Variants in TSHZ1 observed in about 807,000 individuals in gnomAD.
TSHZ1 encodes teashirt homolog 1.
Under a neutral mutation model 67.1 loss-of-function variants are expected in TSHZ1, and 12 were observed. The observed-to-expected ratio is 0.18, with a 90% CI of 0.11 to 0.29. TSHZ1 has a LOEUF of 0.29. TSHZ1 is among the 10% of genes least tolerant of loss of function. The pLI is 1.00. For synonymous variants in TSHZ1, 632 were observed against 622.4 expected (o/e 1.02, Z -0.23); for missense variants, 1,305 against 1,413.9 (o/e 0.92, Z 1.23).
intron 1 of TSHZ1, among the ~76,000 whole-genome samples, chr18:75,278,885 C>T (rs2023649212): frequency 6.6e-6 from 1 of 152,100 alleles, no homozygotes; most frequent in African/African-American, 2.4e-5. Context: ...TAAGGTGAGG[C>T]CGGCAGTCAG....
chr18:75,278,335 C>T (rs1319568923), intron 1 of TSHZ1, among the ~76,000 whole-genome samples: 1 of 152,210 alleles, frequency 6.6e-6, no homozygotes, highest in African/African-American at 2.4e-5. Flanking sequence ...AATCCAAGCA[C>T]TCCTTCCTTG....
At position 75,287,095 on chromosome 18, in the gene TSHZ1, T is replaced by A; in HGVS notation, c.1688T>A (p.Ile563Asn). 1 of 1,614,146 alleles carries A rather than the reference T, an allele frequency of 6.2e-7. No homozygotes were observed. The highest frequency in any genetic ancestry group is 8.5e-7 in the Non-Finnish European group (1 of 1,180,036). ...KSLENTVSTA[I>N]SKAQNGAPSW... ...CTGGAGAATACCGTCTCCACGGCCATTAGCAAAGCTCAGAATGGTGCGCCC... is the reference window on the plus strand; with the variant it reads ...CTGGAGAATACCGTCTCCACGGCCAATAGCAAAGCTCAGAATGGTGCGCCC... Residue 563 changes from isoleucine to asparagine, a missense_variant, in exon 2 of 2, where the codon ATT (isoleucine) becomes AAT (asparagine). This residue lies in a region of TSHZ1 where 909 missense variants were observed against 961.8 expected (regional missense o/e 0.95). Coordinates refer to ENST00000580243, the MANE Select transcript of TSHZ1 (RefSeq NM_001308210.2). The surrounding 1 kb of genome is among the most constrained non-coding windows in gnomAD (Gnocchi z 5.0).
chr18:75,276,948 A>C (rs532966121), intron 1 of TSHZ1, among the ~76,000 whole-genome samples: 3 of 152,298 alleles, frequency 2.0e-5, no homozygotes, highest in Non-Finnish European at 4.4e-5. Flanking sequence ...TCCTGACCTC[A>C]TGGCTGTCAT....
rs1274672287 is a variant in TSHZ1, at chr18:75,288,367, G to A, written c.2960G>A (p.Ser987Asn). Residue 987 changes from serine to asparagine, a missense_variant, in exon 2 of 2, where the codon AGT becomes AAT. Ser to Asn is a conservative substitution (Grantham distance 46, BLOSUM62 1). Around this residue, in one of 3 missense-constraint regions of TSHZ1, gnomAD observed 909 missense variants for 961.8 expected, o/e 0.95. Transcript: ENST00000580243. The surrounding 1 kb of genome is among the most constrained non-coding windows in gnomAD (Gnocchi z 4.9). Reference sequence around the variant, plus strand: ...TTCAGAACTGCTTCTACATACATAAGTCATTTGGAGACACACTTGGGCTTC... The same window carrying A: ...TTCAGAACTGCTTCTACATACATAAATCATTTGGAGACACACTTGGGCTTC... The part of the protein sequence containing the change: ...SQFRTASTYI[S>N]HLETHLGFSL... 1.2e-6 allele frequency: 2 copies of A among 1,614,068 alleles called. No homozygotes were observed. The highest frequency in any genetic ancestry group is 2.2e-5 in the East Asian group (1 of 44,896).
intron 1 of TSHZ1, among the ~76,000 whole-genome samples, chr18:75,228,985 A>G (rs2022961275): frequency 6.6e-6 from 1 of 152,170 alleles, no homozygotes; most frequent in Non-Finnish European, 1.5e-5. Flanking sequence ...AAGGCGTTTT[A>G]TTTGTTGCTA....
intron 1 of TSHZ1, among the ~76,000 whole-genome samples, chr18:75,228,008 G>A (rs1568354038): frequency 6.6e-6 from 1 of 152,178 alleles, no homozygotes; most frequent in Non-Finnish European, 1.5e-5. Flanking sequence ...TGTGGATATC[G>A]GAGTTATGGT....
chr18:75,252,456 A>G (rs1296192819), intron 1 of TSHZ1, among the ~76,000 whole-genome samples: 1 of 152,060 alleles, frequency 6.6e-6, no homozygotes, highest in Non-Finnish European at 1.5e-5. Context: ...AGTTGTTTTT[A>G]TGTAGTTTAG....
chr18:75,274,549 A>C (rs565483887), intron 1 of TSHZ1, among the ~76,000 whole-genome samples: 1 of 152,238 alleles, frequency 6.6e-6, no homozygotes, highest in Non-Finnish European at 1.5e-5. Context: ...AATATATTCC[A>C]GTACATTTGT....
chr18:75,236,519 T>C (rs2023073585), intron 1 of TSHZ1, among the ~76,000 whole-genome samples: 1 of 152,204 alleles, frequency 6.6e-6, no homozygotes, highest in Non-Finnish European at 1.5e-5. Flanking sequence ...AGCATTCTTC[T>C]GTTTTCAGTG....
intron 1 of TSHZ1, chr18:75,283,004 A>G (rs2023705520): frequency 6.6e-6 from 1 of 152,344 alleles, no homozygotes; most frequent in Non-Finnish European, 1.5e-5. Context: ...ATTAGTGGCC[A>G]TGAAACTCCC....
chr18:75,222,611 G>C (rs1209538709), intron 1 of TSHZ1, among the ~76,000 whole-genome samples: 5 of 152,052 alleles, frequency 3.3e-5, no homozygotes, highest in African/African-American at 1.2e-4. Context: ...TGAGATCATG[G>C]GAGGGGGTTT....
chr18:75,235,378 C>G (rs1239226804), intron 1 of TSHZ1, among the ~76,000 whole-genome samples: 1 of 152,146 alleles, frequency 6.6e-6, no homozygotes, highest in African/African-American at 2.4e-5. Flanking sequence ...ATCAAAACTT[C>G]CCAGCTCTAT....
chr18:75,267,529 G>T (rs555914301), intron 1 of TSHZ1, among the ~76,000 whole-genome samples: 2 of 152,234 alleles, frequency 1.3e-5, no homozygotes, highest in Non-Finnish European at 2.9e-5. Flanking sequence ...AATAGGCTTC[G>T]AGTGTCTCGA....
intron 1 of TSHZ1, among the ~76,000 whole-genome samples, chr18:75,240,070 T>C (rs1361284224): frequency 1.3e-5 from 2 of 152,360 alleles, no homozygotes; most frequent in East Asian, 3.9e-4. Flanking sequence ...AGCCCAGTGA[T>C]AGAATTTATC....
At position 75,287,608 on chromosome 18, in the gene TSHZ1, T is replaced by C. The variant is rs113033195; in HGVS notation, c.2201T>C (p.Met734Thr). 5,440 of 1,614,174 alleles carry C rather than the reference T, an allele frequency of 3.4e-3. 84 individuals are homozygous for C. In the African/African-American group the frequency reaches 0.046, roughly 14 times the overall value. ...TNGCNNLGII[M>T]DHSPEPSFIN... ...GGCTGTAACAACCTGGGGATCATCA[T>C]GGACCACTCACCGGAGCCTTCCTTC... Residue 734 changes from methionine to threonine, a missense_variant, in exon 2 of 2, where the codon ATG becomes ACG. By Grantham distance (81) the Met-to-Thr change is moderately conservative. This residue lies in a region of TSHZ1 where 909 missense variants were observed against 961.8 expected (regional missense o/e 0.95). Coordinates refer to ENST00000580243, the MANE Select transcript of TSHZ1 (RefSeq NM_001308210.2). This position sits in a 1 kb window ranked among gnomAD's most constrained non-coding sequence, Gnocchi z 5.0.
At chr18:75,250,444 C>T (rs1348766888) in intron 1 of TSHZ1, among the ~76,000 whole-genome samples, 1 of 152,232 alleles carries the variant, frequency 6.6e-6, no homozygotes, top group Non-Finnish European at 1.5e-5. Flanking sequence ...GCCTGTCCTC[C>T]CTGCAGCAAG....
chr18:75,262,580 A>T (rs1229775200), intron 1 of TSHZ1, among the ~76,000 whole-genome samples: 1 of 152,186 alleles, frequency 6.6e-6, no homozygotes. Context: ...TTTATTCTCT[A>T]TAAAATACGC....
Position 75,281,499 on chromosome 18 carries a change from C to T in TSHZ1, c.41-3949C>T, listed in dbSNP as rs1276485311. On this transcript the variant is annotated intron_variant, in intron 1 of 1. Transcript: ENST00000580243. This position sits in a 1 kb window ranked among gnomAD's most constrained non-coding sequence, Gnocchi z 5.3. ...CTCCTTCCACGGGCCCTACATGGGGCCAGGCCCTGAAAGCACCATGGGGGT... is the reference window on the plus strand; with the variant it reads ...CTCCTTCCACGGGCCCTACATGGGGTCAGGCCCTGAAAGCACCATGGGGGT... Among the ~76,000 whole-genome samples, 1 of 152,138 alleles carries T rather than the reference C, an allele frequency of 6.6e-6. No individual in the cohort carries two copies. The highest frequency in any genetic ancestry group is 1.5e-5 in the Non-Finnish European group (1 of 68,014).
In TSHZ1 at chr18:75,286,753, C is replaced by G; in HGVS notation, c.1346C>G (p.Ser449Cys). The change falls in exon 2 of 2, where the codon TCT (serine) becomes TGT (cysteine). Residue 449 changes from serine (S) to cysteine (C), a missense_variant. Physicochemically the swap from Ser to Cys is moderately radical, Grantham distance 112. Transcript: ENST00000580243. This position sits in a 1 kb window ranked among gnomAD's most constrained non-coding sequence, Gnocchi z 5.1. Reference protein sequence around the residue: ...GHFLKVTTSASKKGKQLVLDP... With the variant: ...GHFLKVTTSACKKGKQLVLDP... ...TTCCTGAAAGTGACCACCTCGGCTT[C>G]TAAGAAGGGCAAGCAGTTGGTGCTG... is the stretch of plus-strand genomic sequence containing the variant. 1 of 1,613,600 alleles carries G rather than the reference C, an allele frequency of 6.2e-7. No individual in the cohort carries two copies. Among genetic ancestry groups the G allele is most frequent in the Non-Finnish European group, 8.5e-7 (1 of 1,180,030 alleles).
Sources: gnomAD v4.1 joint callset for allele counts (sites outside exome capture counted in the v4.1 genomes callset) on GRCh38, gnomAD v4.1.1 for gene constraint, gnomAD v4.1.1 regional missense constraint, Gnocchi (gnomAD v3.1) non-coding constraint, MANE v1.5 for transcripts, NCBI Gene and HGNC (gene_info 2026-07-23, HGNC 2026-07-21) for gene names.